PRUNE1: variants seen among roughly 807,000 people sequenced by gnomAD.
The protein encoded by PRUNE1 is prune exopolyphosphatase 1.
Under a neutral mutation model 42.5 loss-of-function variants are expected in PRUNE1, and 25 were observed. The ratio of observed to expected loss-of-function variants is 0.59; its 90% CI spans 0.43 to 0.82. The LOEUF (loss-of-function observed/expected upper bound fraction) is 0.82. Ranked by LOEUF, PRUNE1 falls within the 40% of genes least tolerant of loss-of-function variation. The pLI is 0.00. For missense variants in PRUNE1, 443 were observed against 539.3 expected (o/e 0.82, Z 1.77); for synonymous variants, 203 against 217.1 (o/e 0.93, Z 0.57).
intron 3 of PRUNE1, among the ~76,000 whole-genome samples, chr1:151,019,247 C>T (rs1046092515): frequency 1.3e-5 from 2 of 151,852 alleles, no homozygotes; most frequent in Admixed American, 1.3e-4. Context: ...TTAAATCTGC[C>T]TTTGGTATCA....
intron 1 of PRUNE1, among the ~76,000 whole-genome samples, chr1:151,015,955 A>G (rs1413938423): frequency 6.6e-6 from 1 of 152,146 alleles, no homozygotes; most frequent in Non-Finnish European, 1.5e-5. Flanking sequence ...GTTCAAAAGT[A>G]AACTGGTGGG....
In PRUNE1 at chr1:151,027,340, T is replaced by A; in HGVS notation, c.774+13T>A. The A allele has an allele frequency of 6.4e-7, 1 of 1,572,702 alleles. No individual in the cohort carries two copies. The highest frequency in any genetic ancestry group is 8.7e-7 in the Non-Finnish European group (1 of 1,143,088). ...TATGGATTTGGAGGTAAGAGCAAGTTGTGGCTGTGGGTGGGGAGAGAAAGC... is the reference window on the plus strand; with the variant it reads ...TATGGATTTGGAGGTAAGAGCAAGTAGTGGCTGTGGGTGGGGAGAGAAAGC... On this transcript the variant is annotated intron_variant, in intron 6 of 7. Coordinates refer to ENST00000271620, the MANE Select transcript of PRUNE1 (RefSeq NM_021222.3).
chr1:151,025,665 A>T lies in PRUNE1; in HGVS notation c.671A>T (p.Asp224Val). ...IFDSLQKAKF[D>V]VSGLTTEQML... ...GATTCCCTACAAAAGGCAAAGTTTG[A>T]TGTATCAGGTATGAAATGTTAGCTG... The change falls in exon 5 of 8, where the codon GAT becomes GTT. Residue 224 changes from aspartate (D) to valine (V), a missense_variant. Physicochemically the swap from Asp to Val is radical, Grantham distance 152. Coordinates refer to ENST00000271620, the MANE Select transcript of PRUNE1 (RefSeq NM_021222.3). The T allele has an allele frequency of 3.1e-6, 5 of 1,613,256 alleles. No individual in the cohort carries two copies. The highest frequency in any genetic ancestry group is 4.2e-6 in the Non-Finnish European group (5 of 1,179,538).
At chr1:151,033,088 CTTT>C (rs76163919) in intron 7 of PRUNE1, among the ~76,000 whole-genome samples, 2 of 119,236 alleles carry the variant, frequency 1.7e-5, no homozygotes, top group African/African-American at 6.3e-5. Flanking sequence ...GGATAACTTA[CTTT>C]TTTTTTTTTT....
intron 1 of PRUNE1, among the ~76,000 whole-genome samples, chr1:151,011,594 T>C (rs1278948155): frequency 6.6e-6 from 1 of 152,138 alleles, no homozygotes; most frequent in Non-Finnish European, 1.5e-5. Context: ...TCGTTTATTT[T>C]TCTCCCCCAT....
intron 1 of PRUNE1, 89 bp downstream of exon 1, chr1:151,008,760 C>A (rs1226751020): frequency 1.6e-6 from 2 of 1,286,236 alleles, no homozygotes; most frequent in South Asian, 1.2e-5. Context: ...CTCGACGGTC[C>A]GTGTGGAGGG....
chr1:151,025,157 G>T (rs1402809268), intron 4 of PRUNE1, among the ~76,000 whole-genome samples: 3 of 46,124 alleles, frequency 6.5e-5, no homozygotes, highest in African/African-American at 2.8e-4. Flanking sequence ...TTTTCCACTT[G>T]TAAAAAAAAA....
At chr1:151,023,954 G>A (rs1292334836) in intron 3 of PRUNE1, among the ~76,000 whole-genome samples, 2 of 151,944 alleles carry the variant, frequency 1.3e-5, no homozygotes, top group East Asian at 1.9e-4. Context: ...AGGCCAAGGC[G>A]GGCAGATCAC....
Position 151,027,290 on chromosome 1 carries a change from T to G in PRUNE1, c.737T>G (p.Val246Gly). ...KDQKTIYRQG[V>G]KVAISAIYMD... ...CAGAAGACTATCTATAGACAAGGCG[T>G]CAAGGTGGCCATTAGTGCAATATAT... Residue 246 changes from valine to glycine, a missense_variant, in exon 6 of 8, where the codon GTC (valine) becomes GGC (glycine). Coordinates refer to ENST00000271620, the MANE Select transcript of PRUNE1 (RefSeq NM_021222.3). 1 of 1,611,692 alleles carries G rather than the reference T, an allele frequency of 6.2e-7. No homozygotes were observed. The highest frequency in any genetic ancestry group is 8.5e-7 in the Non-Finnish European group (1 of 1,177,890).
chr1:151,019,510 C>T (rs1674290791), intron 3 of PRUNE1, among the ~76,000 whole-genome samples: 1 of 142,558 alleles, frequency 7.0e-6, no homozygotes, highest in African/African-American at 2.6e-5. Flanking sequence ...GAGCCAAGAT[C>T]ACACCACTCC....
intron 1 of PRUNE1, among the ~76,000 whole-genome samples, chr1:151,013,503 A>G (rs1373517427): frequency 6.6e-6 from 1 of 152,126 alleles, no homozygotes; most frequent in Non-Finnish European, 1.5e-5. Context: ...TCTGCTTAGC[A>G]TTCTCTTCAT....
intron 6 of PRUNE1, among the ~76,000 whole-genome samples, chr1:151,027,843 T>C (rs983339722): frequency 4.0e-5 from 6 of 151,816 alleles, no homozygotes; most frequent in African/African-American, 7.3e-5. Flanking sequence ...GGTCTCAAAC[T>C]CCTGGCCTCA....
chr1:151,029,338 A>C (rs1013085656), intron 7 of PRUNE1, among the ~76,000 whole-genome samples: 1 of 143,806 alleles, frequency 7.0e-6, no homozygotes, highest in Non-Finnish European at 1.5e-5. Flanking sequence ...CGGGAGGCTG[A>C]TGCAGAAGGA....
chr1:151,009,738 T>G (rs1171550174), intron 1 of PRUNE1, among the ~76,000 whole-genome samples: 4 of 152,254 alleles, frequency 2.6e-5, no homozygotes, highest in South Asian at 2.1e-4. Flanking sequence ...CATATTGAAT[T>G]GGGGAGAAGG....
In PRUNE1 at chr1:151,024,718, G is replaced by A. The variant is rs767154506; in HGVS notation, c.443G>A (p.Cys148Tyr). 6.2e-7 allele frequency: 1 copy of A among 1,614,132 alleles called. No individual in the cohort carries two copies. Among genetic ancestry groups the A allele is most frequent in the Non-Finnish European group, 8.5e-7 (1 of 1,180,030 alleles). ...GTTTCAGTTGAGCTGGTGGGGTCCT[G>A]TGCTACCCTGGTGACCGAGAGAATC... ...CHVSVELVGS[C>Y]ATLVTERILQ... Residue 148 changes from cysteine to tyrosine, a missense_variant, in exon 4 of 8, where the codon TGT becomes TAT. Physicochemically the swap from Cys to Tyr is radical, Grantham distance 194. Transcript: ENST00000271620.
At position 151,034,395 on chromosome 1, in the gene PRUNE1, G is replaced by T. The variant is rs144443851; in HGVS notation, c.*161G>T. 98 of 732,866 alleles carry T rather than the reference G, an allele frequency of 1.3e-4. No homozygotes were observed. The East Asian group carries it at 2.6e-3, about 19-fold the overall frequency. 45.4% of individuals were successfully genotyped at this position (732,866 alleles called of 1,614,324 possible). ...AGAAAAAAAGTGAAAGAAAGCAGCT[G>T]CTTTAAGAATGGTTTTCCACCTTTT... On this transcript the variant is annotated 3_prime_UTR_variant, in exon 8 of 8. Transcript: ENST00000271620.
At chr1:151,020,309 G>C (rs1359334346) in intron 3 of PRUNE1, among the ~76,000 whole-genome samples, 7 of 151,736 alleles carry the variant, frequency 4.6e-5, no homozygotes, top group Non-Finnish European at 1.0e-4. Context: ...AAATTTGCCA[G>C]GTGTGGTAGT....
rs1673515756 is a variant in PRUNE1, at chr1:151,008,724, G to C, written c.39+53G>C. ...GGAATGGAGCACGGGGTCCAGGAAG[G>C]ACGAAGACGTGGGATCTGGGGGAGC... On this transcript the variant is annotated intron_variant, in intron 1 of 7. Transcript: ENST00000271620. 6 of 1,603,504 alleles carry C rather than the reference G, an allele frequency of 3.7e-6. No individual in the cohort carries two copies. In the Admixed American group the frequency reaches 8.3e-5, roughly 22 times the overall value.
Position 151,028,938 on chromosome 1 carries a change from A to G in PRUNE1, c.927A>G (p.Gln309=). 1 of 1,612,352 alleles carries G rather than the reference A, an allele frequency of 6.2e-7. No homozygotes were observed. Residue 309 remains glutamine (Q), a synonymous_variant, in exon 7 of 8, where the codon CAA becomes CAG. Coordinates refer to ENST00000271620, the MANE Select transcript of PRUNE1 (RefSeq NM_021222.3). Reference sequence around the variant, plus strand: ...TTTTCTGTCCCCATGTGGCACTCCAAACAACGGTGAGTCTGTGTCCCTTCT... The same window carrying G: ...TTTTCTGTCCCCATGTGGCACTCCAGACAACGGTGAGTCTGTGTCCCTTCT... ...LAIFCPHVAL[Q]TTICEVLERS...
Sources: allele counts gnomAD v4.1 joint callset (sites outside exome capture counted in the v4.1 genomes callset), GRCh38; gene constraint gnomAD v4.1.1; transcripts MANE v1.5; gene names NCBI Gene and HGNC (gene_info 2026-07-23, HGNC 2026-07-21).